The following REDIC1 variants were observed in gnomAD, a reference collection of about 807,000 sequenced individuals.
REDIC1 encodes the protein HEI10 Interacting Protein 1.
the REDIC1 span, among the ~76,000 whole-genome samples, chr12:39,890,542 C>A: frequency 6.6e-6 from 1 of 152,106 alleles, no homozygotes; most frequent in Admixed American, 6.6e-5. Flanking sequence ...AAGACGGAGG[C>A]AGAAGTAAAT....
the REDIC1 span, among the ~76,000 whole-genome samples, chr12:39,794,873 C>G: frequency 1.3e-5 from 2 of 152,162 alleles, no homozygotes; most frequent in Non-Finnish European, 2.9e-5. Context: ...AAATTAAATT[C>G]TCTTCTGAAG....
At chr12:39,829,392 C>CTTTTTTCTTTTTT in the REDIC1 span, 1 of 65,796 alleles carries the variant, frequency 1.5e-5, no homozygotes, top group Admixed American at 2.3e-4. Context: ...GATAGTAATT[C>CTTTTTTCTTTTTT]TTTTTTTTTT....
the REDIC1 span, among the ~76,000 whole-genome samples, chr12:39,842,963 A>C: frequency 6.6e-6 from 1 of 152,004 alleles, no homozygotes. Context: ...TTACAGTTAT[A>C]CAATATTCCA....
chr12:39,908,272 GT>G, the REDIC1 span: 5 of 151,920 alleles, frequency 3.3e-5, no homozygotes, highest in Non-Finnish European at 7.4e-5. Flanking sequence ...ATTTCCTAAT[GT>G]TTTTAATAAT....
chr12:39,642,676 A>G, the REDIC1 span, among the ~76,000 whole-genome samples: 2 of 151,756 alleles, frequency 1.3e-5, no homozygotes, highest in African/African-American at 4.8e-5. Flanking sequence ...AACTATTTAC[A>G]TCCTGAAGAT....
the REDIC1 span, chr12:39,760,359 C>T: frequency 2.0e-6 from 2 of 1,019,664 alleles, no homozygotes; most frequent in African/African-American, 3.3e-5. Flanking sequence ...CATGCATAAT[C>T]ACAGTATGAA....
the REDIC1 span, among the ~76,000 whole-genome samples, chr12:39,732,999 A>G: frequency 6.6e-6 from 1 of 151,964 alleles, no homozygotes; most frequent in African/African-American, 2.4e-5. Flanking sequence ...CTTCAAGTCC[A>G]CAATTTTGGG....
At chr12:39,751,578 T>C in the REDIC1 span, among the ~76,000 whole-genome samples, 2 of 152,222 alleles carry the variant, frequency 1.3e-5, no homozygotes, top group Non-Finnish European at 1.5e-5. Flanking sequence ...TTATAAATCA[T>C]GTTGCTATAA....
chr12:39,883,564 G>A, the REDIC1 span, among the ~76,000 whole-genome samples: 1 of 152,140 alleles, frequency 6.6e-6, no homozygotes, highest in Admixed American at 6.6e-5. Flanking sequence ...TTAAGAGCCT[G>A]AGTGTGAAAA....
chr12:39,798,673 T>C, the REDIC1 span, among the ~76,000 whole-genome samples: 2 of 152,206 alleles, frequency 1.3e-5, no homozygotes, highest in Non-Finnish European at 2.9e-5. Context: ...GGGCTAGTGC[T>C]GAAAGACTCG....
chr12:39,633,522 T>C, the REDIC1 span, among the ~76,000 whole-genome samples: 7 of 152,214 alleles, frequency 4.6e-5, no homozygotes, highest in South Asian at 2.1e-4. Context: ...AAAATAAGTA[T>C]AGTAATAATA....
chr12:39,720,762 A>T, the REDIC1 span: 1 of 1,542,570 alleles, frequency 6.5e-7, no homozygotes, highest in Admixed American at 1.8e-5. Context: ...CATGGTTTAG[A>T]GCAAAATTAT....
the REDIC1 span, among the ~76,000 whole-genome samples, chr12:39,682,291 TG>T: frequency 6.6e-6 from 1 of 152,120 alleles, no homozygotes; most frequent in Admixed American, 6.5e-5. Context: ...ATATAGTGGT[TG>T]TCTAGTTTAT....
At chr12:39,815,539 C>T in the REDIC1 span, among the ~76,000 whole-genome samples, 1 of 152,144 alleles carries the variant, frequency 6.6e-6, no homozygotes, top group Admixed American at 6.5e-5. Flanking sequence ...CCAGGCATAA[C>T]GTCTGGCAGA....
chr12:39,889,140 A>AT, the REDIC1 span, among the ~76,000 whole-genome samples: 2 of 152,050 alleles, frequency 1.3e-5, no homozygotes, highest in African/African-American at 4.8e-5. Context: ...GGCTCATATC[A>AT]TATTATTTCA....
the REDIC1 span, among the ~76,000 whole-genome samples, chr12:39,752,568 T>C: frequency 6.6e-6 from 1 of 151,854 alleles, no homozygotes; most frequent in South Asian, 2.1e-4. Context: ...ATGAAGAAAA[T>C]GAAAGAGTGA....
At chr12:39,711,642 T>C in the REDIC1 span, among the ~76,000 whole-genome samples, 17 of 140,602 alleles carry the variant, frequency 1.2e-4, no homozygotes, top group South Asian at 2.9e-3. Context: ...TGTATATGTG[T>C]ATACACATGT....
the REDIC1 span, among the ~76,000 whole-genome samples, chr12:39,727,023 T>G: frequency 6.6e-6 from 1 of 152,202 alleles, no homozygotes; most frequent in Non-Finnish European, 1.5e-5. Flanking sequence ...TTGTTTTTCT[T>G]CTTGTAAATT....
At chr12:39,657,920 T>C in the REDIC1 span, among the ~76,000 whole-genome samples, 3 of 152,170 alleles carry the variant, frequency 2.0e-5, no homozygotes, top group African/African-American at 7.2e-5. Context: ...GCATTTAATT[T>C]CCTCTGCGTT....
Sources: gnomAD v4.1 joint callset for allele counts (sites outside exome capture counted in the v4.1 genomes callset) on GRCh38, gnomAD v4.1.1 for gene constraint, MANE v1.5 for transcripts, NCBI Gene and HGNC (gene_info 2026-07-23, HGNC 2026-07-21) for gene names.